CCDC83: variants seen among roughly 807,000 people sequenced by gnomAD.
CCDC83 encodes coiled-coil domain-containing protein 83.
A neutral mutation model predicts 50.1 loss-of-function variants in CCDC83; 54 were observed. That is an observed-to-expected ratio of 1.08 (90% CI 0.87 to 1.35). The LOEUF (loss-of-function observed/expected upper bound fraction) is 1.35, where lower values mean the gene tolerates loss of function less well. Ranked by LOEUF, CCDC83 falls within the 40% of genes most tolerant of loss-of-function variation. The pLI is 0.00. For missense variants in CCDC83, 518 were observed against 473.9 expected (o/e 1.09, Z -0.86); for synonymous variants, 161 against 153.3 (o/e 1.05, Z -0.37).
At position 85,895,286 on chromosome 11, in the gene CCDC83, T is replaced by TAA; in HGVS notation, c.512-7_512-6insAA. On this transcript the variant is annotated splice_region_variant and splice_polypyrimidine_tract_variant and intron_variant, in intron 5 of 10. Transcript: ENST00000342404. ...TTTCTTTTTTTTTTTTTTTTTTTTT[T>TAA]TTAAAGAACACTATAAAATCACTCT... 1.2e-6 allele frequency: 1 copy of TAA among 852,086 alleles called. No individual in the cohort carries two copies. The highest frequency in any genetic ancestry group is 1.7e-6 in the Non-Finnish European group (1 of 588,146). The allele number at this position is 852,086 out of a possible 1,614,324, so 52.8% of individuals were successfully genotyped here. A position where few individuals can be genotyped will look rare whatever the true frequency, so the allele number is the denominator to read the frequency against.
chr11:85,881,242 G>T (rs1336359776), intron 3 of CCDC83, among the ~76,000 whole-genome samples: 1 of 151,920 alleles, frequency 6.6e-6, no homozygotes, highest in Non-Finnish European at 1.5e-5. Context: ...GTATGGTGGT[G>T]GGCGTCTATA....
intron 10 of CCDC83, chr11:85,918,124 C>T (rs144834008): frequency 1.3e-5 from 2 of 152,210 alleles, no homozygotes; most frequent in East Asian, 1.9e-4. Flanking sequence ...TTTGATTCTT[C>T]TAAATTCAAA....
intron 7 of CCDC83, among the ~76,000 whole-genome samples, chr11:85,908,311 C>T (rs533283240): frequency 4.6e-5 from 7 of 152,086 alleles, no homozygotes; most frequent in Non-Finnish European, 1.0e-4. Flanking sequence ...TGAACCTTGC[C>T]CATAATAAGA....
chr11:85,876,680 C>T (rs1425779544), intron 3 of CCDC83, among the ~76,000 whole-genome samples: 2 of 152,062 alleles, frequency 1.3e-5, no homozygotes, highest in Non-Finnish European at 2.9e-5. Flanking sequence ...AATTTGTGTA[C>T]TTTTTGTAGA....
At chr11:85,917,060 G>C (rs2093480189) in intron 10 of CCDC83, among the ~76,000 whole-genome samples, 1 of 151,064 alleles carries the variant, frequency 6.6e-6, no homozygotes, top group Non-Finnish European at 1.5e-5. Context: ...GCAGTGAGCA[G>C]AGACTGTATC....
At chr11:85,908,724 T>C (rs2093437939) in intron 7 of CCDC83, among the ~76,000 whole-genome samples, 1 of 146,122 alleles carries the variant, frequency 6.8e-6, no homozygotes, top group African/African-American at 2.6e-5. Context: ...ACCAACATGA[T>C]GAAACCCCGA....
rs375148666 is a variant in CCDC83 at position 85,900,044 on chromosome 11, A to T, written c.672+1029A>T. Among the ~76,000 whole-genome samples, 98 of 152,280 alleles carry T rather than the reference A, an allele frequency of 6.4e-4. 1 individual carries two copies. In the South Asian group the frequency reaches 0.02, roughly 31 times the overall value. ...GATGTGAGAGTATGTTGTTGGATGA[A>T]ACGAGAAGGTATTGCTTGGGCCAGA... On this transcript the variant is annotated intron_variant, in intron 7 of 10. Coordinates refer to ENST00000342404, the MANE Select transcript of CCDC83 (RefSeq NM_001286159.2).
chr11:85,894,020 A>G (rs1365184070), intron 5 of CCDC83, among the ~76,000 whole-genome samples: 3 of 152,210 alleles, frequency 2.0e-5, no homozygotes, highest in Non-Finnish European at 4.4e-5. Flanking sequence ...ATTCTACATT[A>G]TAGTGAGTTG....
At chr11:85,905,947 C>T (rs796735199) in intron 7 of CCDC83, among the ~76,000 whole-genome samples, 47 of 115,798 alleles carry the variant, frequency 4.1e-4, no homozygotes, top group African/African-American at 1.2e-3. Flanking sequence ...CCAGCCTGGG[C>T]GACAAGAGCA....
intron 7 of CCDC83, among the ~76,000 whole-genome samples, chr11:85,903,302 C>A (rs923980107): frequency 6.6e-6 from 1 of 151,788 alleles, no homozygotes; most frequent in Non-Finnish European, 1.5e-5. Flanking sequence ...TTTATGTATT[C>A]ATTTACTTTT....
At chr11:85,910,523 AT>A (rs2093448833) in intron 7 of CCDC83, among the ~76,000 whole-genome samples, 1 of 152,096 alleles carries the variant, frequency 6.6e-6, no homozygotes, top group Non-Finnish European at 1.5e-5. Flanking sequence ...ATAATATAGC[AT>A]TTTCCCAGTG....
chr11:85,895,271 T>TTC (rs768378440), intron 5 of CCDC83, 22 bp from the exon 6 acceptor site: 4 of 723,656 alleles, frequency 5.5e-6, no homozygotes, highest in Non-Finnish European at 8.1e-6. Flanking sequence ...TTTCTTTTTT[T>TTC]TTTTTTTTTT....
intron 3 of CCDC83, among the ~76,000 whole-genome samples, chr11:85,878,872 C>CT (rs1263017117): frequency 6.6e-6 from 1 of 152,156 alleles, no homozygotes; most frequent in East Asian, 1.9e-4. Context: ...TGTTAGCCTT[C>CT]TGGTAGGTGT....
intron 8 of CCDC83, among the ~76,000 whole-genome samples, chr11:85,911,725 C>G (rs144109835): frequency 1.3e-5 from 2 of 152,062 alleles, no homozygotes; most frequent in Admixed American, 6.6e-5. Flanking sequence ...CATAACAGTA[C>G]GGCAGAAGAT....
chr11:85,915,392 G>C, intron 8 of CCDC83, 27 bp from the exon 9 acceptor site: 1 of 1,522,634 alleles, frequency 6.6e-7, no homozygotes, highest in Non-Finnish European at 9.1e-7. Flanking sequence ...TTGACTGACA[G>C]ATTGTTTTTC....
chr11:85,884,741 TCTC>T (rs2093318319), intron 4 of CCDC83, among the ~76,000 whole-genome samples: 1 of 152,054 alleles, frequency 6.6e-6, no homozygotes, highest in Non-Finnish European at 1.5e-5. Flanking sequence ...ACTACATCCA[TCTC>T]CCTTTTACAA....
intron 6 of CCDC83, among the ~76,000 whole-genome samples, chr11:85,896,458 A>G (rs1004625526): frequency 2.0e-5 from 3 of 151,098 alleles, no homozygotes; most frequent in Non-Finnish European, 4.4e-5. Context: ...ACAATCTGAA[A>G]TTTTTTGAGA....
At chr11:85,874,748 C>T (rs1475797916) in intron 3 of CCDC83, among the ~76,000 whole-genome samples, 1 of 152,214 alleles carries the variant, frequency 6.6e-6, no homozygotes, top group Admixed American at 6.5e-5. Context: ...TTATTAATGA[C>T]TAATTTGCCA....
chr11:85,919,216 C>G (rs1194632666), intron 10 of CCDC83, 133 bp from the exon 11 acceptor site: 2 of 780,320 alleles, frequency 2.6e-6, no homozygotes, highest in African/African-American at 3.5e-5. Context: ...TCATGTGCTA[C>G]ACAGCATCAG....
Sources: allele counts gnomAD v4.1 joint callset (sites outside exome capture counted in the v4.1 genomes callset), GRCh38; gene constraint gnomAD v4.1.1; transcripts MANE v1.5; gene names NCBI Gene and HGNC (gene_info 2026-07-23, HGNC 2026-07-21).